TEX11: variants seen among roughly 807,000 people sequenced by gnomAD.
TEX11 encodes testis-expressed protein 11.
In TEX11, 7 loss-of-function variants were observed where a neutral mutation model predicts 84.4. The observed-to-expected ratio is 0.08, with a 90% CI of 0.05 to 0.16. The LOEUF is 0.16. TEX11 is among the 10% of genes least tolerant of loss of function. The pLI is 1.00. For synonymous variants in TEX11, 264 were observed against 222.8 expected, an observed-to-expected ratio of 1.18 and a Z score of -1.64; for missense variants, 551 against 660.5, an observed-to-expected ratio of 0.83 and a Z score of 1.82.
intron 7 of TEX11, among the ~76,000 whole-genome samples, chrX:70,850,289 T>A (rs2091500703): frequency 8.9e-6 from 1 of 112,167 alleles, no homozygotes; most frequent in Non-Finnish European, 1.9e-5. Flanking sequence ...CCCAGTGATT[T>A]TAAAATGTGA....
chrX:70,609,770 T>C (rs1345182247), intron 21 of TEX11, among the ~76,000 whole-genome samples: 1 of 111,743 alleles, frequency 8.9e-6, no homozygotes, highest in Non-Finnish European at 1.9e-5. Context: ...TTCTAAGATA[T>C]GAACTTTTTG....
At chrX:70,792,979 A>G (rs2091133863) in intron 9 of TEX11, among the ~76,000 whole-genome samples, 1 of 111,849 alleles carries the variant, frequency 8.9e-6, no homozygotes. Flanking sequence ...GCAACACATT[A>G]AAAAGTTAAT....
At chrX:70,518,023 T>C in the TEX11 span, among the ~76,000 whole-genome samples, 1 of 110,992 alleles carries the variant, frequency 9.0e-6, no homozygotes, top group Non-Finnish European at 1.9e-5. Context: ...TTCTTCTTTA[T>C]TGGTCTTGGT....
chrX:70,604,635 C>T (rs1198371532), intron 24 of TEX11, among the ~76,000 whole-genome samples: 1 of 111,230 alleles, frequency 9.0e-6, no homozygotes, highest in South Asian at 3.8e-4. Flanking sequence ...AGAGAATAAA[C>T]AGCAAAGGGT....
rs1004326833 is a variant in TEX11 at position 70,785,852 on chromosome X, C to T, written c.692+20853G>A. Among the ~76,000 whole-genome samples the T allele has an allele frequency of 2.0e-3, 223 of 111,921 alleles. 1 individual carries two copies. Among genetic ancestry groups the T allele is most frequent in the Non-Finnish European group, 3.3e-3 (177 of 53,172 alleles). ...TGGTAAGGTTGTGGAAAAATAGGAACGCTTTTACACTGTTGGTGGGAGTGT... is the reference window on the plus strand; with the variant it reads ...TGGTAAGGTTGTGGAAAAATAGGAATGCTTTTACACTGTTGGTGGGAGTGT... On this transcript the variant is annotated intron_variant, in intron 9 of 29. Transcript: ENST00000374333.
At chrX:70,714,014 A>T (rs2090469175) in intron 13 of TEX11, among the ~76,000 whole-genome samples, 1 of 111,927 alleles carries the variant, frequency 8.9e-6, no homozygotes, top group Non-Finnish European at 1.9e-5. Context: ...TTGGTTTCAA[A>T]GAACATCTTT....
chrX:70,644,023 A>C (rs1187141277), intron 17 of TEX11, among the ~76,000 whole-genome samples: 5 of 96,178 alleles, frequency 5.2e-5, no homozygotes, highest in Non-Finnish European at 8.5e-5. Flanking sequence ...ACCTACTCAT[A>C]TGACAAAGGG....
At chrX:70,549,368 T>C (rs2088182339) in intron 28 of TEX11, among the ~76,000 whole-genome samples, 1 of 111,056 alleles carries the variant, frequency 9.0e-6, no homozygotes, top group Non-Finnish European at 1.9e-5. Context: ...AGAGACTCCT[T>C]CTGCTTGAGA....
intron 25 of TEX11, among the ~76,000 whole-genome samples, chrX:70,564,502 C>A (rs1460647553): frequency 1.8e-5 from 2 of 108,456 alleles, no homozygotes; most frequent in Non-Finnish European, 3.8e-5. Flanking sequence ...GTGCTGCACC[C>A]ATTAACTCGT....
the TEX11 span, among the ~76,000 whole-genome samples, chrX:70,515,094 CACAG>C: frequency 0.061 from 5,417 of 89,348 alleles, 165 homozygotes; most frequent in African/African-American, 0.24. Flanking sequence ...CACACACACA[CACAG>C]AAAGAAGGAC....
intron 25 of TEX11, among the ~76,000 whole-genome samples, chrX:70,584,970 C>T (rs2088833946): frequency 8.9e-6 from 1 of 111,913 alleles, no homozygotes; most frequent in Non-Finnish European, 1.9e-5. Context: ...AGGATGCCCT[C>T]TCTCACTACC....
intron 15 of TEX11, among the ~76,000 whole-genome samples, chrX:70,677,566 T>C (rs951235262): frequency 9.0e-6 from 1 of 111,693 alleles, no homozygotes; most frequent in African/African-American, 3.3e-5. Context: ...TTTGAATAGC[T>C]TCTTTGCTCT....
chrX:70,575,108 C>T lies in TEX11; in HGVS notation c.2140+16643G>A, dbSNP rs773763644. Among the ~76,000 whole-genome samples, 3 of 111,064 alleles carry T rather than the reference C, an allele frequency of 2.7e-5. No homozygotes were observed. The East Asian group carries it at 8.5e-4, about 31-fold the overall frequency. On this transcript the variant is annotated intron_variant, in intron 25 of 29. Transcript: ENST00000374333. ...CATTTAAATGGGAAGTGCAAGGAGACTGACATGAACTGACTTATGTTAAAA... is the reference window on the plus strand; with the variant it reads ...CATTTAAATGGGAAGTGCAAGGAGATTGACATGAACTGACTTATGTTAAAA...
At chrX:70,516,129 G>T in the TEX11 span, among the ~76,000 whole-genome samples, 1 of 111,643 alleles carries the variant, frequency 9.0e-6, no homozygotes. Flanking sequence ...AGTTTAATTA[G>T]ATCCCATTTG....
chrX:70,549,648 C>T (rs758026501), intron 28 of TEX11, among the ~76,000 whole-genome samples: 25 of 111,986 alleles, frequency 2.2e-4, no homozygotes, highest in African/African-American at 8.1e-4. Context: ...CCCACACCAC[C>T]TGATGGTGGT....
chrX:70,873,534 CTAT>C (rs747996996), intron 3 of TEX11, among the ~76,000 whole-genome samples: 95 of 111,667 alleles, frequency 8.5e-4, no homozygotes, highest in Non-Finnish European at 1.5e-3. Flanking sequence ...TTTATTCATA[CTAT>C]TGATATACCT....
chrX:70,808,101 C>T (rs1210647312), intron 8 of TEX11, among the ~76,000 whole-genome samples: 1 of 41,221 alleles, frequency 2.4e-5, no homozygotes, highest in African/African-American at 1.2e-4. Context: ...GAGTGAGACT[C>T]TGTCTCAAAA....
intron 24 of TEX11, among the ~76,000 whole-genome samples, chrX:70,603,498 A>G (rs2089156108): frequency 9.4e-6 from 1 of 106,470 alleles, no homozygotes; most frequent in African/African-American, 3.4e-5. Flanking sequence ...CTGGCTAGCC[A>G]TATGTAGAAA....
chrX:70,863,471 G>A (rs1266325250), intron 4 of TEX11, among the ~76,000 whole-genome samples: 1 of 111,702 alleles, frequency 9.0e-6, no homozygotes, highest in Non-Finnish European at 1.9e-5. Context: ...CAGCAGACCT[G>A]CAGAAGAGGG....
Sources: allele counts gnomAD v4.1 joint callset (sites outside exome capture counted in the v4.1 genomes callset), GRCh38; gene constraint gnomAD v4.1.1; transcripts MANE v1.5; gene names NCBI Gene and HGNC (gene_info 2026-07-23, HGNC 2026-07-21).